Variants in NAV2 observed in about 807,000 individuals in gnomAD.
NAV2 encodes the protein neuron navigator 2.
Under a neutral mutation model 223.2 loss-of-function variants are expected in NAV2, and 54 were observed. That is an observed-to-expected ratio of 0.24 (90% CI 0.19 to 0.30). The LOEUF (loss-of-function observed/expected upper bound fraction) is 0.30. NAV2 is among the 10% of genes least tolerant of loss of function. The pLI is 1.00. For missense variants in NAV2, 2,806 were observed against 3,147.5 expected (o/e 0.89, Z 2.60); for synonymous variants, 1,279 against 1,239.3 (o/e 1.03, Z -0.67).
chr11:20,106,398 A>T (rs1348148231), intron 35 of NAV2, among the ~76,000 whole-genome samples: 2 of 146,314 alleles, frequency 1.4e-5, no homozygotes, highest in Non-Finnish European at 3.0e-5. Context: ...GTCTCTACTA[A>T]AAATACAAAA....
intron 36 of NAV2, among the ~76,000 whole-genome samples, chr11:20,113,177 C>T (rs61590106): frequency 0.034 from 5,202 of 152,280 alleles, 295 homozygotes; most frequent in African/African-American, 0.12. Flanking sequence ...TCTGGCTTCT[C>T]TCCTCCCTGG....
intron 1 of NAV2, chr11:19,777,957 G>C (rs766276962): frequency 4.4e-6 from 2 of 455,742 alleles, no homozygotes; most frequent in South Asian, 3.1e-5. Flanking sequence ...GGTTTGGCTT[G>C]TCTGTGGGGA....
chr11:19,951,081 G>A (rs2047358109), intron 10 of NAV2, among the ~76,000 whole-genome samples: 1 of 152,188 alleles, frequency 6.6e-6, no homozygotes, highest in Non-Finnish European at 1.5e-5. Flanking sequence ...GAAAGGAAGA[G>A]GGAAAATTAG....
chr11:19,683,449 G>T (rs1004492957), intron 1 of NAV2, among the ~76,000 whole-genome samples: 2 of 152,168 alleles, frequency 1.3e-5, no homozygotes, highest in Non-Finnish European at 2.9e-5. Context: ...TCATAATTTG[G>T]TACAGATAAA....
intron 1 of NAV2, among the ~76,000 whole-genome samples, chr11:19,591,577 C>T (rs1478929695): frequency 1.3e-5 from 2 of 152,168 alleles, no homozygotes; most frequent in African/African-American, 4.8e-5. Flanking sequence ...ATGTCCCAAA[C>T]AGATGTAGAT....
intron 4 of NAV2, among the ~76,000 whole-genome samples, chr11:19,878,732 C>T (rs2063012882): frequency 6.6e-6 from 1 of 152,206 alleles, no homozygotes; most frequent in African/African-American, 2.4e-5. Context: ...GCAGGGCGCA[C>T]TTCCTCCTCT....
At chr11:19,739,462 T>C (rs2052609432) in intron 1 of NAV2, among the ~76,000 whole-genome samples, 1 of 152,146 alleles carries the variant, frequency 6.6e-6, no homozygotes, top group African/African-American at 2.4e-5. Context: ...CCTTAATTGT[T>C]ACTTCAGAGG....
intron 1 of NAV2, among the ~76,000 whole-genome samples, chr11:19,464,739 C>T (rs1393954694): frequency 6.6e-6 from 1 of 152,210 alleles, no homozygotes; most frequent in African/African-American, 2.4e-5. Flanking sequence ...AAATTTGCTG[C>T]TGTGATTGGA....
chr11:20,027,259 A>G (rs1161024685), intron 11 of NAV2: 5 of 985,268 alleles, frequency 5.1e-6, no homozygotes, highest in Non-Finnish European at 6.0e-6. Context: ...GCCTACAGTT[A>G]GGCTTGCTCA....
intron 1 of NAV2, among the ~76,000 whole-genome samples, chr11:19,587,760 T>C (rs2045946529): frequency 6.6e-6 from 1 of 152,178 alleles, no homozygotes; most frequent in African/African-American, 2.4e-5. Flanking sequence ...AATATGTTAA[T>C]TAGGATAACA....
intron 37 of NAV2, among the ~76,000 whole-genome samples, chr11:20,115,668 G>A (rs1592236358): frequency 6.7e-6 from 1 of 148,866 alleles, no homozygotes; most frequent in Non-Finnish European, 1.5e-5. Context: ...ACCCGGGCTG[G>A]GTGTGGTGGC....
At chr11:19,965,507 TC>T (rs1448864312) in intron 10 of NAV2, among the ~76,000 whole-genome samples, 3 of 152,206 alleles carry the variant, frequency 2.0e-5, no homozygotes, top group African/African-American at 7.2e-5. Context: ...CTATGGTTTT[TC>T]TCTCATCTTG....
upstream of NAV2, among the ~76,000 whole-genome samples, chr11:19,710,123 C>T (rs187156782): frequency 1.8e-4 from 28 of 152,258 alleles, no homozygotes; most frequent in Admixed American, 1.0e-3. Flanking sequence ...CCAAAGATGG[C>T]AAATACATAA....
chr11:19,676,637 A>G (rs2048719130), intron 1 of NAV2, among the ~76,000 whole-genome samples: 1 of 152,170 alleles, frequency 6.6e-6, no homozygotes, highest in Admixed American at 6.5e-5. Context: ...GAAGATGTGG[A>G]CGTCATGCAC....
chr11:20,001,921 T>G (rs1174542773), intron 11 of NAV2, among the ~76,000 whole-genome samples: 4 of 151,942 alleles, frequency 2.6e-5, no homozygotes, highest in Non-Finnish European at 5.9e-5. Flanking sequence ...CCTGTTTTAA[T>G]CCATTCAGGC....
intron 1 of NAV2, among the ~76,000 whole-genome samples, chr11:19,797,044 ATG>A: frequency 6.6e-6 from 1 of 152,222 alleles, no homozygotes; most frequent in Non-Finnish European, 1.5e-5. Context: ...TTTATCTCAA[ATG>A]GTATGAGGGG....
At chr11:19,894,885 C>A (rs2041822315) in intron 6 of NAV2, among the ~76,000 whole-genome samples, 1 of 152,016 alleles carries the variant, frequency 6.6e-6, no homozygotes, top group African/African-American at 2.4e-5. Context: ...CATGTGCCAC[C>A]ACGCCCGGCT....
intron 2 of NAV2, among the ~76,000 whole-genome samples, chr11:19,833,329 C>T (rs1002584433): frequency 6.6e-6 from 1 of 152,168 alleles, no homozygotes; most frequent in East Asian, 1.9e-4. Flanking sequence ...GAGGACAGGG[C>T]CCAGCCTCTC....
At chr11:19,676,187 C>A (rs1367825241) in intron 1 of NAV2, among the ~76,000 whole-genome samples, 1 of 152,198 alleles carries the variant, frequency 6.6e-6, no homozygotes, top group Non-Finnish European at 1.5e-5. Context: ...CTGCTCCAGT[C>A]TGGCCTCATA....
Sources: allele counts gnomAD v4.1 joint callset (sites outside exome capture counted in the v4.1 genomes callset), GRCh38; gene constraint gnomAD v4.1.1; transcripts MANE v1.5; gene names NCBI Gene and HGNC (gene_info 2026-07-23, HGNC 2026-07-21).